RALYL: variants seen among roughly 807,000 people sequenced by gnomAD.
The protein encoded by RALYL is RALY RNA binding protein like, also known as RNA-binding Raly-like protein.
RALYL carries 29 observed loss-of-function variants against 35.1 expected under a neutral mutation model. The observed-to-expected ratio is 0.83, with a 90% CI of 0.61 to 1.13. The LOEUF is 1.13. RALYL is among the 50% of genes most tolerant of loss of function. The probability of loss-of-function intolerance (pLI) is 0.00; values close to 1 mark genes in which losing one functional copy is unlikely to be tolerated. For missense variants in RALYL, 359 were observed against 360.4 expected, an observed-to-expected ratio of 1.00 and a Z score of 0.03; for synonymous variants, 120 against 127.6, an observed-to-expected ratio of 0.94 and a Z score of 0.40.
chr8:84,657,388 T>A (rs1830147065), intron 2 of RALYL, among the ~76,000 whole-genome samples: 1 of 152,212 alleles, frequency 6.6e-6, no homozygotes, highest in African/African-American at 2.4e-5. Context: ...AAAAGAAAGC[T>A]TCTCTTCCTT....
intron 1 of RALYL, among the ~76,000 whole-genome samples, chr8:84,316,699 T>G (rs1478310301): frequency 6.6e-6 from 1 of 152,204 alleles, no homozygotes; most frequent in African/African-American, 2.4e-5. Context: ...ACTTAGCACC[T>G]TCTTAGAATT....
chr8:84,571,367 A>T (rs886569405), intron 2 of RALYL, among the ~76,000 whole-genome samples: 1 of 151,720 alleles, frequency 6.6e-6, no homozygotes, highest in Non-Finnish European at 1.5e-5. Flanking sequence ...TTAGAAATTT[A>T]TCCATTTCCT....
At chr8:84,395,063 A>C (rs1415316721) in intron 1 of RALYL, among the ~76,000 whole-genome samples, 1 of 151,902 alleles carries the variant, frequency 6.6e-6, no homozygotes, top group Non-Finnish European at 1.5e-5. Context: ...ACAAAGAAGA[A>C]AATAAATATT....
chr8:84,709,394 T>C (rs1841770480), intron 2 of RALYL, among the ~76,000 whole-genome samples: 1 of 152,136 alleles, frequency 6.6e-6, no homozygotes, highest in South Asian at 2.1e-4. Flanking sequence ...AATCATTGTA[T>C]AATGAAGAAA....
chr8:84,896,546 C>G (rs1295819046), intron 8 of RALYL, among the ~76,000 whole-genome samples: 2 of 152,098 alleles, frequency 1.3e-5, no homozygotes, highest in African/African-American at 4.8e-5. Context: ...TTACGTTGAT[C>G]TACAAAGTCT....
rs567067290 is a variant in RALYL, at chr8:84,337,727, T to C, written c.-24+153303T>C. 5.3e-5 allele frequency among the ~76,000 whole-genome samples: 8 copies of C among 152,224 alleles called. No homozygotes were observed. In the East Asian group the frequency reaches 1.5e-3, roughly 29 times the overall value. Reference sequence around the variant, plus strand: ...GTGGTAAACACTAATGAGTTGTGAGTTGTACTTCATCAAATTGACAGTTTC... The same window carrying C: ...GTGGTAAACACTAATGAGTTGTGAGCTGTACTTCATCAAATTGACAGTTTC... On this transcript the variant is annotated intron_variant, in intron 1 of 8. Transcript: ENST00000521268.
chr8:84,572,608 C>T (rs965777728), intron 2 of RALYL, among the ~76,000 whole-genome samples: 5 of 151,804 alleles, frequency 3.3e-5, no homozygotes, highest in Non-Finnish European at 5.9e-5. Context: ...TCTCACCACT[C>T]TCCTCTTCTA....
At chr8:84,511,312 C>A (rs888489775) in intron 1 of RALYL, among the ~76,000 whole-genome samples, 1 of 152,176 alleles carries the variant, frequency 6.6e-6, no homozygotes, top group Non-Finnish European at 1.5e-5. Flanking sequence ...CTTCAGTTTG[C>A]ATTCATGCAT....
At chr8:84,185,265 G>A (rs1898464) in intron 1 of RALYL, 79,408 of 546,000 alleles carry the variant, frequency 0.15, 8,884 homozygotes, top group African/African-American at 0.44. Context: ...TTTAAATTTT[G>A]TTAAAGGGGC....
chr8:84,328,966 C>T (rs1317697120), intron 1 of RALYL, among the ~76,000 whole-genome samples: 2 of 152,156 alleles, frequency 1.3e-5, no homozygotes, highest in Admixed American at 6.6e-5. Context: ...CATTGTATTC[C>T]ACGGTGTATG....
At chr8:84,429,895 T>G (rs370643339) in intron 1 of RALYL, among the ~76,000 whole-genome samples, 2 of 152,040 alleles carry the variant, frequency 1.3e-5, no homozygotes, top group East Asian at 1.9e-4. Flanking sequence ...ATGGACACAA[T>G]TTTTACCTTC....
At chr8:84,467,067 A>T (rs1201273344) in intron 1 of RALYL, among the ~76,000 whole-genome samples, 1 of 151,710 alleles carries the variant, frequency 6.6e-6, no homozygotes, top group Non-Finnish European at 1.5e-5. Flanking sequence ...CGGTCTATCA[A>T]TTTTGTTGAT....
intron 1 of RALYL, among the ~76,000 whole-genome samples, chr8:84,304,171 G>T (rs993279732): frequency 2.6e-5 from 4 of 152,052 alleles, no homozygotes; most frequent in African/African-American, 9.7e-5. Flanking sequence ...AGGCTGGAGT[G>T]CAGTGGCGCG....
intron 1 of RALYL, among the ~76,000 whole-genome samples, chr8:84,223,882 T>G (rs887126657): frequency 2.6e-5 from 4 of 152,170 alleles, no homozygotes; most frequent in Non-Finnish European, 4.4e-5. Flanking sequence ...ATTAAATTAT[T>G]CCAATATGTC....
intron 2 of RALYL, among the ~76,000 whole-genome samples, chr8:84,672,903 G>A (rs1301123364): frequency 6.6e-6 from 1 of 152,144 alleles, no homozygotes; most frequent in Non-Finnish European, 1.5e-5. Flanking sequence ...TCCAGTTTCT[G>A]TAAATGTGTT....
At chr8:84,700,264 T>C (rs1839949275) in intron 2 of RALYL, among the ~76,000 whole-genome samples, 2 of 152,122 alleles carry the variant, frequency 1.3e-5, no homozygotes, top group African/African-American at 4.8e-5. Flanking sequence ...ATTGTAATTG[T>C]AGTTATAAAG....
chr8:84,424,455 A>G (rs1298780732), intron 1 of RALYL, among the ~76,000 whole-genome samples: 4 of 140,026 alleles, frequency 2.9e-5, no homozygotes, highest in Non-Finnish European at 4.5e-5. Flanking sequence ...ATTCTTCTAA[A>G]TTTTTTTCAA....
chr8:84,911,030 G>GT (rs1563852664), intron 8 of RALYL, among the ~76,000 whole-genome samples: 1 of 152,042 alleles, frequency 6.6e-6, no homozygotes. Flanking sequence ...CTTAAAGAGA[G>GT]TAACTATATC....
chr8:84,514,578 TC>T (rs1262799873), intron 1 of RALYL, among the ~76,000 whole-genome samples: 2 of 152,152 alleles, frequency 1.3e-5, no homozygotes, highest in Non-Finnish European at 2.9e-5. Flanking sequence ...GTTTGTTCCT[TC>T]CAACTATATC....
Sources: allele counts gnomAD v4.1 joint callset (sites outside exome capture counted in the v4.1 genomes callset), GRCh38; gene constraint gnomAD v4.1.1; transcripts MANE v1.5; gene names NCBI Gene and HGNC (gene_info 2026-07-23, HGNC 2026-07-21).